Variants in PARP12 observed in about 807,000 individuals in gnomAD.
The protein encoded by PARP12 is protein mono-ADP-ribosyltransferase PARP12.
PARP12 carries 59 observed loss-of-function variants against 72.4 expected under a neutral mutation model. That is an observed-to-expected ratio of 0.81 (90% CI 0.66 to 1.01). The LOEUF (loss-of-function observed/expected upper bound fraction) is 1.01, where lower values mean the gene tolerates loss of function less well. Among genes scored for constraint, PARP12 ranks in the 50% least tolerant of loss-of-function variants. PARP12 has a pLI of 0.00. For missense variants in PARP12, 851 were observed against 914.0 expected (o/e 0.93, Z 0.89); for synonymous variants, 403 against 371.4 (o/e 1.09, Z -0.98).
chr7:140,037,802 G>A lies in PARP12; in HGVS notation c.1237C>T (p.Leu413=), dbSNP rs1395570400. 1 of 1,613,974 alleles carries A rather than the reference G, an allele frequency of 6.2e-7. No individual in the cohort carries two copies. Among genetic ancestry groups the A allele is most frequent in the Non-Finnish European group, 8.5e-7 (1 of 1,179,916 alleles). ...TCAGACCCCGGTGTACAGTAGGCCA[G>A]GTAGGCCTTCTCCACGTCGCTACTG... The part of the protein sequence containing the change: ...VSSSDVEKAY[L]AYCTPGSDGQ... The change falls in exon 7 of 12, where the codon CTG becomes TTG. Residue 413 remains leucine (L), a synonymous_variant. Transcript: ENST00000263549.
In PARP12 at chr7:140,024,831, G is replaced by A. The variant is rs752820757; in HGVS notation, c.1835C>T (p.Thr612Met). 6.8e-6 allele frequency: 11 copies of A among 1,613,972 alleles called. No individual in the cohort carries two copies. Among genetic ancestry groups the A allele is most frequent in the Admixed American group, 3.3e-5 (2 of 59,996 alleles). Residue 612 changes from threonine to methionine, a missense_variant, in exon 12 of 12, where the codon ACG (threonine) becomes ATG (methionine). By Grantham distance (81) the Thr-to-Met change is moderately conservative. Transcript: ENST00000263549. ...GGCCAGGAACATCGTGTGGGTCTGC[G>A]TGTCGGATTTGCTGTAGTGGTGGGA... The part of the protein sequence containing the change: ...AYSHHYSKSD[T>M]QTHTMFLARV...
intron 5 of PARP12, among the ~76,000 whole-genome samples, chr7:140,045,797 C>T (rs1247449824): frequency 6.6e-6 from 1 of 152,184 alleles, no homozygotes; most frequent in African/African-American, 2.4e-5. Context: ...AAATCCAGAT[C>T]CACGTTATTG....
chr7:140,033,482 C>A, intron 8 of PARP12: 1 of 985,442 alleles, frequency 1.0e-6, no homozygotes, highest in Non-Finnish European at 1.2e-6. Context: ...CTGGCAAGCC[C>A]AAACTGTATG....
intron 11 of PARP12, chr7:140,025,720 C>A: frequency 7.4e-5 from 22 of 298,534 alleles, no homozygotes; most frequent in South Asian, 2.4e-4. Context: ...ATTTCGATTT[C>A]CAAAGAAATA....
At chr7:140,058,882 G>C (rs989090894) in intron 1 of PARP12, among the ~76,000 whole-genome samples, 1 of 152,056 alleles carries the variant, frequency 6.6e-6, no homozygotes. Flanking sequence ...GATCACTTGA[G>C]GTCGGGAGTT....
intron 8 of PARP12, chr7:140,033,724 A>C: frequency 1.0e-6 from 1 of 990,406 alleles, no homozygotes. Context: ...CCACAGGCTA[A>C]CCTGGTGGCT....
intron 5 of PARP12, among the ~76,000 whole-genome samples, chr7:140,046,678 T>C (rs1427633665): frequency 6.6e-6 from 1 of 151,612 alleles, no homozygotes; most frequent in Admixed American, 6.6e-5. Flanking sequence ...AACGCTGACT[T>C]TCGATTCCAG....
intron 9 of PARP12, 44 bp downstream of exon 9, chr7:140,028,569 A>G: frequency 6.7e-7 from 1 of 1,495,902 alleles, no homozygotes; most frequent in South Asian, 1.2e-5. Flanking sequence ...ACCCACTTCT[A>G]CAGAACACCT....
At chr7:140,053,200 C>T (rs1465238737) in intron 4 of PARP12, among the ~76,000 whole-genome samples, 1 of 152,178 alleles carries the variant, frequency 6.6e-6, no homozygotes, top group Non-Finnish European at 1.5e-5. Context: ...CCCAAATGTT[C>T]ATCAACATAT....
intron 5 of PARP12, among the ~76,000 whole-genome samples, chr7:140,043,060 G>A (rs1319192601): frequency 6.6e-6 from 1 of 152,168 alleles, no homozygotes; most frequent in African/African-American, 2.4e-5. Flanking sequence ...CGGGAGTGGT[G>A]GCGGGCACCT....
chr7:140,033,762 AACTC>A, intron 8 of PARP12: 1 of 990,646 alleles, frequency 1.0e-6, no homozygotes, highest in Non-Finnish European at 1.2e-6. Context: ...GACTGAAAGA[AACTC>A]ACCCTGACGA....
At chr7:140,040,006 GAC>G (rs537530761) in intron 6 of PARP12, among the ~76,000 whole-genome samples, 2 of 152,222 alleles carry the variant, frequency 1.3e-5, no homozygotes, top group Non-Finnish European at 2.9e-5. Context: ...GCTGTGATGA[GAC>G]ACCACCGGGG....
intron 9 of PARP12, among the ~76,000 whole-genome samples, chr7:140,028,276 G>A (rs990330042): frequency 6.6e-6 from 1 of 152,098 alleles, no homozygotes; most frequent in Non-Finnish European, 1.5e-5. Flanking sequence ...TCCCCAGGCT[G>A]CTTCTCCTTT....
intron 6 of PARP12, among the ~76,000 whole-genome samples, chr7:140,040,984 T>C (rs1387267389): frequency 6.6e-6 from 1 of 152,208 alleles, no homozygotes; most frequent in Non-Finnish European, 1.5e-5. Context: ...GCCAGGCTGG[T>C]CTTGAACTCC....
chr7:140,041,675 T>A lies in PARP12; in HGVS notation c.1151A>T (p.Glu384Val), dbSNP rs1816476399. 1 of 1,613,874 alleles carries A rather than the reference T, an allele frequency of 6.2e-7. No homozygotes were observed. Among genetic ancestry groups the A allele is most frequent in the South Asian group, 1.1e-5 (1 of 91,064 alleles). The change falls in exon 6 of 12, where the codon GAG becomes GTG. Residue 384 changes from glutamate (E) to valine (V), a missense_variant. This residue lies in a region of PARP12 where 12 missense variants were observed against 28.6 expected (regional missense o/e 0.42). Coordinates refer to ENST00000263549, the MANE Select transcript of PARP12 (RefSeq NM_022750.4). ...TTDWIWYWSD[E>V]FGSWQEYGRQ... ...TCCATATTCCTGCCAAGAACCAAAC[T>A]CATCACTCCAGTACCAAATCCAGTC...
rs941266160 is a variant in PARP12 at position 140,057,915 on chromosome 7, G to A, written c.446C>T (p.Pro149Leu). 5 of 1,614,072 alleles carry A rather than the reference G, an allele frequency of 3.1e-6. No individual in the cohort carries two copies. In the African/African-American group the frequency reaches 4.0e-5, roughly 13 times the overall value. The change falls in exon 2 of 12, where the codon CCC (proline) becomes CTC (leucine). Residue 149 changes from proline (P) to leucine (L), a missense_variant. Pro to Leu is a moderately conservative substitution (Grantham distance 98). Transcript: ENST00000263549. ...ELCQLLFQND[P>L]WLLPEICQHY... ...GGCACTCACTTCTGGCAAAAGCCAG[G>A]GGTCGTTCTGAAACAAGAGTTGGCA...
chr7:140,029,146 A>G (rs563768496), intron 8 of PARP12: 1 of 153,654 alleles, frequency 6.5e-6, no homozygotes, highest in African/African-American at 2.4e-5. Flanking sequence ...CATAAAAGTG[A>G]CATCAAAAGT....
intron 8 of PARP12, 54 bp downstream of exon 8, chr7:140,034,181 G>T: frequency 6.3e-7 from 1 of 1,588,542 alleles, no homozygotes; most frequent in South Asian, 1.1e-5. Flanking sequence ...CACCACTGCA[G>T]AGCACACCCC....
intron 1 of PARP12, 59 bp downstream of exon 1, chr7:140,062,463 G>C: frequency 6.8e-7 from 1 of 1,469,818 alleles, no homozygotes; most frequent in Admixed American, 2.1e-5. Flanking sequence ...AAGCGGGCTG[G>C]AAGTGCGTGA....
Sources: allele counts gnomAD v4.1 joint callset (sites outside exome capture counted in the v4.1 genomes callset), GRCh38; gene constraint gnomAD v4.1.1; regional missense constraint gnomAD v4.1.1; transcripts MANE v1.5; gene names NCBI Gene and HGNC (gene_info 2026-07-23, HGNC 2026-07-21).